PIK3CD: variants seen among roughly 807,000 people sequenced by gnomAD.
PIK3CD encodes phosphatidylinositol-4,5-bisphosphate 3-kinase catalytic subunit delta.
In PIK3CD, 20 loss-of-function variants were observed where a neutral mutation model predicts 122.9. The ratio of observed to expected loss-of-function variants is 0.16; its 90% CI spans 0.11 to 0.24. PIK3CD has a LOEUF of 0.24. Ranked by LOEUF, PIK3CD falls within the 10% of genes least tolerant of loss-of-function variation. The pLI, the probability that PIK3CD is intolerant of heterozygous loss-of-function variation, is 1.00. For missense variants in PIK3CD, 787 were observed against 1,406.3 expected (o/e 0.56, Z 7.04); for synonymous variants, 596 against 593.4 (o/e 1.00, Z -0.06).
At chr1:9,676,034 C>G (rs1272695869) in intron 1 of PIK3CD, among the ~76,000 whole-genome samples, 1 of 151,368 alleles carries the variant, frequency 6.6e-6, no homozygotes, top group Non-Finnish European at 1.5e-5. Flanking sequence ...CGGGTTCAAG[C>G]GATTCTCCTG....
intron 1 of PIK3CD, among the ~76,000 whole-genome samples, chr1:9,669,347 A>G (rs1645254146): frequency 6.6e-6 from 1 of 152,006 alleles, no homozygotes; most frequent in Admixed American, 6.6e-5. Context: ...TTTTGTAGAG[A>G]TGGAGGTCTC....
At position 9,718,042 on chromosome 1, in the gene PIK3CD, A is replaced by G. The variant is rs1189065778; in HGVS notation, c.1020+416A>G. On this transcript the variant is annotated intron_variant, in intron 8 of 23. Transcript: ENST00000377346. The surrounding 1 kb of genome is among the most constrained non-coding windows in gnomAD (Gnocchi z 7.2). The stretch of plus-strand genomic sequence containing the variant: ...GAGGGCTGCACCTGCCTCAACCTCT[A>G]GGGGCTGAGCCCACCTCCCTGTTGT... 9 of 476,378 alleles carry G rather than the reference A, an allele frequency of 1.9e-5. No individual in the cohort carries two copies. In the East Asian group the frequency reaches 5.5e-4, roughly 29 times the overall value. The allele number at this position is 476,378 out of a possible 1,614,324, so 29.5% of individuals were successfully genotyped here.
In PIK3CD at chr1:9,689,209, T is replaced by C. The variant is rs1646092076; in HGVS notation, c.-137-2258T>C. Among the ~76,000 whole-genome samples the C allele has an allele frequency of 6.6e-6, 1 of 152,154 alleles. No individual in the cohort carries two copies. Among genetic ancestry groups the C allele is most frequent in the Non-Finnish European group, 1.5e-5 (1 of 68,000 alleles). Reference sequence around the variant, plus strand: ...GCAGGTGGCGCTTTCTATTTATTGATTGTAAGGTGAAACCTAGGCCAGAGC... The same window carrying C: ...GCAGGTGGCGCTTTCTATTTATTGACTGTAAGGTGAAACCTAGGCCAGAGC... On this transcript the variant is annotated intron_variant, in intron 1 of 23. Transcript: ENST00000377346. This position sits in a 1 kb window ranked among gnomAD's most constrained non-coding sequence, Gnocchi z 6.1.
Position 9,717,215 on chromosome 1 carries a change from C to A in PIK3CD, c.930+107C>A. 1.4e-6 allele frequency: 2 copies of A among 1,413,548 alleles called. No individual in the cohort carries two copies. The highest frequency in any genetic ancestry group is 2.0e-6 in the Non-Finnish European group (2 of 1,008,014). The allele number at this position is 1,413,548 out of a possible 1,614,324, so 87.6% of individuals were successfully genotyped here. Reference sequence around the variant, plus strand: ...GTCCAGGGGCCCTTGGTATGGAGAGCTGGGGCTTTGAGCTGGGGAAGCCAA... The same window carrying A: ...GTCCAGGGGCCCTTGGTATGGAGAGATGGGGCTTTGAGCTGGGGAAGCCAA... On this transcript the variant is annotated intron_variant, in intron 7 of 23. Coordinates refer to ENST00000377346, the MANE Select transcript of PIK3CD (RefSeq NM_005026.5). This position sits in a 1 kb window ranked among gnomAD's most constrained non-coding sequence, Gnocchi z 5.4.
chr1:9,628,357 C>T, the PIK3CD span, among the ~76,000 whole-genome samples: 5 of 152,172 alleles, frequency 3.3e-5, no homozygotes, highest in Admixed American at 2.6e-4. Context: ...TCACAAAGCC[C>T]AAAGATGCCA....
At chr1:9,671,431 A>G (rs572927430) in intron 1 of PIK3CD, among the ~76,000 whole-genome samples, 2 of 152,094 alleles carry the variant, frequency 1.3e-5, no homozygotes, top group African/African-American at 4.8e-5. Context: ...CTGAGCACAA[A>G]TGATCCTCCC....
the PIK3CD span, among the ~76,000 whole-genome samples, chr1:9,632,688 T>A: frequency 2.2e-3 from 342 of 152,246 alleles, 3 homozygotes; most frequent in Non-Finnish European, 2.8e-4. Context: ...TGGGGTTTGC[T>A]CTGTGGCTAC....
chr1:9,648,617 G>A (rs1417915070), upstream of PIK3CD, among the ~76,000 whole-genome samples: 1 of 152,232 alleles, frequency 6.6e-6, no homozygotes, highest in Non-Finnish European at 1.5e-5. Context: ...AGAGACCGCT[G>A]CTAAGGCTCA....
intron 2 of PIK3CD, among the ~76,000 whole-genome samples, chr1:9,706,978 AT>A (rs373772007): frequency 8.4e-4 from 118 of 139,708 alleles, no homozygotes; most frequent in Non-Finnish European, 7.8e-4. Flanking sequence ...CTAATTTTTA[AT>A]TTTTTTTTTT....
intron 2 of PIK3CD, among the ~76,000 whole-genome samples, chr1:9,693,674 A>G (rs1646291677): frequency 6.6e-6 from 1 of 152,086 alleles, no homozygotes; most frequent in African/African-American, 2.4e-5. Flanking sequence ...AAGGAATAAG[A>G]AAAAATGTAA....
intron 1 of PIK3CD, chr1:9,654,314 G>C: frequency 1.5e-6 from 2 of 1,367,750 alleles, no homozygotes; most frequent in African/African-American, 1.5e-5. Context: ...CACGCCGCCA[G>C]GTCTTTGCAC....
At chr1:9,707,122 A>G (rs1001598581) in intron 2 of PIK3CD, among the ~76,000 whole-genome samples, 2 of 151,558 alleles carry the variant, frequency 1.3e-5, no homozygotes, top group African/African-American at 4.8e-5. Flanking sequence ...GCCTTTTCAC[A>G]CTTTTTAAAG....
At chr1:9,654,248 G>T (rs780443724) in intron 1 of PIK3CD, 9 of 1,367,602 alleles carry the variant, frequency 6.6e-6, no homozygotes, top group Non-Finnish European at 8.8e-6. Context: ...TCCCGACCAC[G>T]CAGATGTCCC....
intron 2 of PIK3CD, among the ~76,000 whole-genome samples, chr1:9,709,236 A>G (rs1179102770): frequency 2.6e-5 from 4 of 151,980 alleles, no homozygotes; most frequent in Non-Finnish European, 5.9e-5. Context: ...CATCTAGCTC[A>G]GTTCATCATA....
rs535032616 is a variant in PIK3CD, at chr1:9,723,004, G to A, written c.2427-121G>A. The A allele has an allele frequency of 3.2e-5, 32 of 985,598 alleles. No homozygotes were observed. The African/African-American group carries it at 4.4e-4, about 14-fold the overall frequency. 61.1% of individuals were successfully genotyped at this position (985,598 alleles called of 1,614,324 possible). On this transcript the variant is annotated intron_variant, in intron 19 of 23. Coordinates refer to ENST00000377346, the MANE Select transcript of PIK3CD (RefSeq NM_005026.5). This position sits in a 1 kb window ranked among gnomAD's most constrained non-coding sequence, Gnocchi z 4.9. ...GCCAGCATCTCTCACCTGCTTTTTA[G>A]CAATGTGGGCAGCAGCATCTTCTGT...
the PIK3CD span, among the ~76,000 whole-genome samples, chr1:9,637,583 C>T: frequency 6.6e-6 from 1 of 152,050 alleles, no homozygotes; most frequent in Non-Finnish European, 1.5e-5. Flanking sequence ...AGTCTGAAGT[C>T]TCGGTGGAGA....
intron 1 of PIK3CD, chr1:9,654,006 G>A (rs752822981): frequency 1.5e-6 from 2 of 1,313,418 alleles, no homozygotes; most frequent in South Asian, 2.4e-5. Flanking sequence ...AGGAGTTCAA[G>A]GTTGCAGTAA....
At chr1:9,726,535 G>C (rs934827137) in intron 23 of PIK3CD, among the ~76,000 whole-genome samples, 3 of 152,174 alleles carry the variant, frequency 2.0e-5, no homozygotes, top group East Asian at 3.9e-4. Flanking sequence ...AGATACATAT[G>C]TATTTTTTTT....
rs186989289 is a variant in PIK3CD, at chr1:9,686,041, A to C, written c.-137-5426A>C. ...TTGGGAGAAGCTGAGATTTCATCAC[A>C]GCAAAAGTGTGATGAAATCACACAT... On this transcript the variant is annotated intron_variant, in intron 1 of 23. Coordinates refer to ENST00000377346, the MANE Select transcript of PIK3CD (RefSeq NM_005026.5). Among the ~76,000 whole-genome samples the C allele has an allele frequency of 1.4e-3, 208 of 152,360 alleles. 3 individuals carry two copies. Among genetic ancestry groups the C allele is most frequent in the African/African-American group, 4.8e-3 (199 of 41,588 alleles).
Sources: gnomAD v4.1 joint callset for allele counts (sites outside exome capture counted in the v4.1 genomes callset) on GRCh38, gnomAD v4.1.1 for gene constraint, Gnocchi (gnomAD v3.1) non-coding constraint, MANE v1.5 for transcripts, NCBI Gene and HGNC (gene_info 2026-07-23, HGNC 2026-07-21) for gene names.